Variants in CHN2 observed in about 807,000 individuals in gnomAD.
CHN2 encodes beta-chimaerin.
Under a neutral mutation model 56.3 loss-of-function variants are expected in CHN2, and 35 were observed. The ratio of observed to expected loss-of-function variants is 0.62; its 90% CI spans 0.47 to 0.82. CHN2 has a LOEUF of 0.82. Ranked by LOEUF, CHN2 falls within the 40% of genes least tolerant of loss-of-function variation. The probability of loss-of-function intolerance (pLI) is 0.00; values close to 1 mark genes in which losing one functional copy is unlikely to be tolerated. For synonymous variants in CHN2, 210 were observed against 212.8 expected, an observed-to-expected ratio of 0.99 and a Z score of 0.12; for missense variants, 491 against 580.5, an observed-to-expected ratio of 0.85 and a Z score of 1.58.
chr7:29,182,637 A>T (rs985657666), intron 2 of CHN2, among the ~76,000 whole-genome samples: 1 of 152,248 alleles, frequency 6.6e-6, no homozygotes, highest in African/African-American at 2.4e-5. Flanking sequence ...ACAATTACGT[A>T]CACTCATGTC....
At chr7:29,456,291 A>G (rs1784745293) in intron 6 of CHN2, among the ~76,000 whole-genome samples, 1 of 152,084 alleles carries the variant, frequency 6.6e-6, no homozygotes, top group South Asian at 2.1e-4. Flanking sequence ...GGGTTTTGTG[A>G]TTATTTGTTC....
intron 2 of CHN2, among the ~76,000 whole-genome samples, chr7:29,164,880 T>TTA (rs1371533254): frequency 1.3e-5 from 2 of 152,142 alleles, no homozygotes; most frequent in African/African-American, 4.8e-5. Context: ...TTTCTAAACT[T>TTA]TCTAGAGTGT....
chr7:29,219,329 A>G (rs1785592282), intron 1 of CHN2, among the ~76,000 whole-genome samples: 1 of 152,238 alleles, frequency 6.6e-6, no homozygotes. Flanking sequence ...GGTAATCATT[A>G]AAATAATAAT....
At chr7:29,358,648 T>G (rs920933352) in intron 2 of CHN2, among the ~76,000 whole-genome samples, 7 of 151,986 alleles carry the variant, frequency 4.6e-5, no homozygotes, top group African/African-American at 9.7e-5. Flanking sequence ...GTATTTTTAA[T>G]AGAGACAGGG....
intron 6 of CHN2, among the ~76,000 whole-genome samples, chr7:29,448,289 G>A (rs1650709226): frequency 6.6e-6 from 1 of 151,104 alleles, no homozygotes; most frequent in Non-Finnish European, 1.5e-5. Flanking sequence ...AACATTAATA[G>A]CTTCTTGATA....
chr7:29,282,439 G>A (rs776371230), intron 1 of CHN2, among the ~76,000 whole-genome samples: 9 of 152,144 alleles, frequency 5.9e-5, no homozygotes, highest in Non-Finnish European at 1.2e-4. Context: ...TTTGCTAGTG[G>A]CTCATTATAT....
At chr7:29,194,424 G>C (rs1783337497), upstream of CHN2, 1 of 152,880 alleles carries the variant, frequency 6.5e-6, no homozygotes, top group Non-Finnish European at 1.5e-5. Context: ...CTTCCTTTGT[G>C]TGTGCGCGAG....
chr7:29,184,245 C>T (rs535930321), intron 2 of CHN2, among the ~76,000 whole-genome samples: 1 of 150,166 alleles, frequency 6.7e-6, no homozygotes, highest in South Asian at 2.1e-4. Flanking sequence ...TATACATATA[C>T]AATCTATATA....
At chr7:29,216,825 T>C (rs1036791204) in intron 1 of CHN2, among the ~76,000 whole-genome samples, 3 of 152,268 alleles carry the variant, frequency 2.0e-5, no homozygotes, top group Non-Finnish European at 2.9e-5. Flanking sequence ...GCTATACTTA[T>C]GAAATGCGAA....
At position 29,367,924 on chromosome 7, in the gene CHN2, T is replaced by C. The variant is rs1281951476; in HGVS notation, c.89-8T>C. The C allele has an allele frequency of 1.2e-6, 2 of 1,608,980 alleles. No homozygotes were observed. The highest frequency in any genetic ancestry group is 1.7e-6 in the Non-Finnish European group (2 of 1,178,048). Reference sequence around the variant, plus strand: ...TATTTCTCTCTCTCTCTCTCTCTTTTTTGGCAGTATATCAGTTACAGCAAG... The same window carrying C: ...TATTTCTCTCTCTCTCTCTCTCTTTCTTGGCAGTATATCAGTTACAGCAAG... On this transcript the variant is annotated splice_polypyrimidine_tract_variant and splice_region_variant and intron_variant, in intron 2 of 12. Coordinates refer to ENST00000222792, the MANE Select transcript of CHN2 (RefSeq NM_004067.4).
intron 3 of CHN2, among the ~76,000 whole-genome samples, chr7:29,379,671 A>G (rs1338539285): frequency 6.6e-6 from 1 of 152,334 alleles, no homozygotes; most frequent in East Asian, 1.9e-4. Context: ...CGTCAAGAAG[A>G]AAAAATGAAG....
chr7:29,371,467 A>T (rs967664747), intron 3 of CHN2, among the ~76,000 whole-genome samples: 2 of 152,242 alleles, frequency 1.3e-5, no homozygotes, highest in African/African-American at 4.8e-5. Flanking sequence ...ATGCCGACAG[A>T]TGCAAAACAT....
intron 1 of CHN2, among the ~76,000 whole-genome samples, chr7:29,289,441 C>T (rs540538652): frequency 4.5e-4 from 68 of 152,208 alleles, no homozygotes; most frequent in Middle Eastern, 3.4e-3. Context: ...ATGCTGGCAG[C>T]ATCCCAAAGG....
intron 7 of CHN2, among the ~76,000 whole-genome samples, chr7:29,482,549 A>G (rs549174207): frequency 5.9e-5 from 9 of 152,152 alleles, no homozygotes; most frequent in African/African-American, 1.9e-4. Flanking sequence ...TAAAGGAAGA[A>G]AATTCTTATC....
intron 6 of CHN2, among the ~76,000 whole-genome samples, chr7:29,476,659 G>GC (rs1409433800): frequency 6.6e-6 from 1 of 151,936 alleles, no homozygotes; most frequent in Non-Finnish European, 1.5e-5. Flanking sequence ...TATTAATTTA[G>GC]CCCAGTATTC....
intron 11 of CHN2, among the ~76,000 whole-genome samples, chr7:29,507,658 T>C (rs1790735066): frequency 6.6e-6 from 1 of 152,090 alleles, no homozygotes; most frequent in East Asian, 1.9e-4. Context: ...AATATTTCTG[T>C]AGCAGAAAAA....
intron 2 of CHN2, among the ~76,000 whole-genome samples, chr7:29,162,475 A>G (rs532909556): frequency 6.6e-6 from 1 of 152,260 alleles, no homozygotes; most frequent in East Asian, 1.9e-4. Context: ...CAGTCTGACC[A>G]ACATGGAGAA....
At chr7:29,302,523 A>G (rs111703040) in intron 1 of CHN2, among the ~76,000 whole-genome samples, 1 of 131,452 alleles carries the variant, frequency 7.6e-6, no homozygotes, top group African/African-American at 2.9e-5. Context: ...TTTTTTTTTT[A>G]AGAGATAGGG....
intron 2 of CHN2, among the ~76,000 whole-genome samples, chr7:29,359,337 A>G (rs779250163): frequency 4.6e-4 from 70 of 152,228 alleles, no homozygotes; most frequent in Admixed American, 1.4e-3. Context: ...GAAGGGTAAG[A>G]AATCAGCTCT....
Sources: gnomAD v4.1 joint callset for allele counts (sites outside exome capture counted in the v4.1 genomes callset) on GRCh38, gnomAD v4.1.1 for gene constraint, MANE v1.5 for transcripts, NCBI Gene and HGNC (gene_info 2026-07-23, HGNC 2026-07-21) for gene names.